Variants in SMAD1 observed in about 807,000 individuals in gnomAD.
SMAD1 encodes SMAD family member 1.
In SMAD1, 6 loss-of-function variants were observed where a neutral mutation model predicts 41.6. The ratio of observed to expected loss-of-function variants is 0.14; its 90% confidence interval spans 0.08 to 0.28. The LOEUF (loss-of-function observed/expected upper bound fraction) is 0.28, where lower values mean the gene tolerates loss of function less well. SMAD1 is among the 10% of genes least tolerant of loss of function. The pLI is 1.00. For synonymous variants in SMAD1, 206 were observed against 203.2 expected (o/e 1.01, Z -0.12); for missense variants, 379 against 582.6 (o/e 0.65, Z 3.60).
chr4:145,540,364 T>C (rs1731853710), intron 3 of SMAD1, among the ~76,000 whole-genome samples: 1 of 152,244 alleles, frequency 6.6e-6, no homozygotes, highest in African/African-American at 2.4e-5. Flanking sequence ...TCTTTACTCT[T>C]GATAAAAAGA....
At chr4:145,541,953 T>A (rs1012834141) in intron 3 of SMAD1, among the ~76,000 whole-genome samples, 2 of 152,236 alleles carry the variant, frequency 1.3e-5, no homozygotes, top group Non-Finnish European at 2.9e-5. Context: ...AAGAAACATA[T>A]ATGTAAATTC....
intron 1 of SMAD1, among the ~76,000 whole-genome samples, chr4:145,496,284 T>C (rs892769695): frequency 6.6e-6 from 1 of 152,198 alleles, no homozygotes; most frequent in African/African-American, 2.4e-5. Flanking sequence ...AGGGGGGGAC[T>C]ACTGTGGAGA....
rs535457554 is a variant in SMAD1, at chr4:145,489,364, G to C, written c.-177+7326G>C. On this transcript the variant is annotated intron_variant, in intron 1 of 6. Coordinates refer to ENST00000302085, the MANE Select transcript of SMAD1 (RefSeq NM_005900.3). ...GTGTTTGAACATGCAGTTTGCACTG[G>C]AGGGATAGAGCCCAGTGCCAGGAGA... 2.0e-3 allele frequency among the ~76,000 whole-genome samples: 300 copies of C among 152,314 alleles called. 2 individuals are homozygous for C. Among genetic ancestry groups the C allele is most frequent in the South Asian group, 0.014 (68 of 4,820 alleles).
At chr4:145,483,832 A>G (rs992697673) in intron 1 of SMAD1, among the ~76,000 whole-genome samples, 19 of 152,216 alleles carry the variant, frequency 1.2e-4, no homozygotes, top group African/African-American at 4.6e-4. Flanking sequence ...TGACCCCTAC[A>G]ACCATAGGTA....
chr4:145,536,245 A>G (rs1281885354), intron 2 of SMAD1, among the ~76,000 whole-genome samples: 1 of 152,156 alleles, frequency 6.6e-6, no homozygotes, highest in Non-Finnish European at 1.5e-5. Context: ...GCACACACAC[A>G]GGGCTTAGAA....
chr4:145,523,562 T>TA (rs1730872204), intron 2 of SMAD1, among the ~76,000 whole-genome samples: 2 of 152,166 alleles, frequency 1.3e-5, no homozygotes, highest in African/African-American at 2.4e-5. Context: ...AAATATACTA[T>TA]GTATATTTGT....
At chr4:145,513,298 C>G (rs1039506686) in intron 1 of SMAD1, 1 of 152,270 alleles carries the variant, frequency 6.6e-6, no homozygotes, top group Non-Finnish European at 1.5e-5. Flanking sequence ...CTTTAAAAAG[C>G]TGGGCTTTTG....
rs188176304 is a variant in SMAD1 at position 145,496,276 on chromosome 4, G to C, written c.-177+14238G>C. ...ACTCTGCCTTATGCATCAAACCAAGGGGGGGACTACTGTGGAGAAGCAGTA... is the reference window on the plus strand; with the variant it reads ...ACTCTGCCTTATGCATCAAACCAAGCGGGGGACTACTGTGGAGAAGCAGTA... On this transcript the variant is annotated intron_variant, in intron 1 of 6. Coordinates refer to ENST00000302085, the MANE Select transcript of SMAD1 (RefSeq NM_005900.3). Among the ~76,000 whole-genome samples, 108 of 152,222 alleles carry C rather than the reference G, an allele frequency of 7.1e-4. 1 individual carries two copies. The East Asian group carries it at 9.5e-3, about 13-fold the overall frequency.
rs146042295 is a variant in SMAD1, at chr4:145,542,674, C to T, written c.751C>T (p.Leu251=). 8.1e-6 allele frequency: 13 copies of T among 1,611,934 alleles called. No individual in the cohort carries two copies. The highest frequency in any genetic ancestry group is 1.1e-5 in the Non-Finnish European group (13 of 1,178,858). ...GGACACAAACATGATGGCGCCTCCC[C>T]TGCCCTCAGAAATCAACAGAGGAGG... ...PMDTNMMAPP[L]PSEINRGDVQ... Residue 251 remains leucine (L), a synonymous_variant, in exon 4 of 7, where the codon CTG becomes TTG. Transcript: ENST00000302085.
intron 3 of SMAD1, among the ~76,000 whole-genome samples, 189 bp downstream of exon 3, chr4:145,540,250 TTTTA>T (rs1731848205): frequency 6.6e-6 from 1 of 152,294 alleles, no homozygotes; most frequent in Non-Finnish European, 1.5e-5. Flanking sequence ...AAATGTCTTA[TTTTA>T]TTTGTCAGGC....
At chr4:145,549,495 G>A (rs180910058) in intron 5 of SMAD1, among the ~76,000 whole-genome samples, 114 of 152,284 alleles carry the variant, frequency 7.5e-4, no homozygotes, top group Non-Finnish European at 1.3e-3. Flanking sequence ...GCAGCAGTGG[G>A]GAAGGAGAGC....
At position 145,558,809 on chromosome 4, in the gene SMAD1, C is replaced by T. The variant is rs968691587; in HGVS notation, c.*875C>T. On this transcript the variant is annotated 3_prime_UTR_variant, in exon 7 of 7. Transcript: ENST00000302085. ...TGGTTAATTCATGTAACTGTGAGAG[C>T]AAATGAATAATTCCTGCTATTCTGA... is the stretch of plus-strand genomic sequence containing the variant. 6.6e-6 allele frequency among the ~76,000 whole-genome samples: 1 copy of T among 152,050 alleles called. No homozygotes were observed. Among genetic ancestry groups the T allele is most frequent in the African/African-American group, 2.4e-5 (1 of 41,396 alleles).
intron 2 of SMAD1, among the ~76,000 whole-genome samples, chr4:145,522,298 C>CAA (rs202217778): frequency 1.4e-5 from 2 of 144,938 alleles, no homozygotes; most frequent in Non-Finnish European, 3.0e-5. Flanking sequence ...GACTCTGTCT[C>CAA]AAAAAAACAA....
At chr4:145,487,108 A>G (rs1025596345) in intron 1 of SMAD1, among the ~76,000 whole-genome samples, 2 of 152,164 alleles carry the variant, frequency 1.3e-5, no homozygotes, top group Non-Finnish European at 2.9e-5. Context: ...GGAGATGGAA[A>G]AGAAAAGCCC....
intron 1 of SMAD1, among the ~76,000 whole-genome samples, chr4:145,507,721 G>A (rs2126371989): frequency 6.6e-6 from 1 of 151,608 alleles, no homozygotes; most frequent in East Asian, 1.9e-4. Context: ...CAAGAGGGAA[G>A]GAAATCTCTG....
At chr4:145,535,536 G>C (rs568215183) in intron 2 of SMAD1, among the ~76,000 whole-genome samples, 20 of 152,246 alleles carry the variant, frequency 1.3e-4, no homozygotes, top group African/African-American at 4.6e-4. Context: ...TCATATATAG[G>C]TGAAAAAAGC....
At chr4:145,485,436 C>T (rs952135895) in intron 1 of SMAD1, among the ~76,000 whole-genome samples, 16 of 152,080 alleles carry the variant, frequency 1.1e-4, no homozygotes, top group African/African-American at 2.2e-4. Context: ...CAGCAGTAGC[C>T]GCATTTCAAG....
intron 5 of SMAD1, 52 bp from the exon 6 acceptor site, chr4:145,553,732 T>A: frequency 6.5e-7 from 1 of 1,541,472 alleles, no homozygotes; most frequent in Non-Finnish European, 8.9e-7. Flanking sequence ...ACAGGTGCCT[T>A]TGAGCTGTAA....
At chr4:145,537,070 T>C (rs943103619) in intron 2 of SMAD1, among the ~76,000 whole-genome samples, 26 of 152,266 alleles carry the variant, frequency 1.7e-4, no homozygotes, top group African/African-American at 6.3e-4. Context: ...TGAAGAACTA[T>C]TCCAGATTAC....
Sources: gnomAD v4.1 joint callset for allele counts (sites outside exome capture counted in the v4.1 genomes callset) on GRCh38, gnomAD v4.1.1 for gene constraint, MANE v1.5 for transcripts, NCBI Gene and HGNC (gene_info 2026-07-23, HGNC 2026-07-21) for gene names.